The following ADAT1 variants were observed in gnomAD, a reference collection of about 807,000 sequenced individuals.
ADAT1 encodes the protein tRNA-specific adenosine deaminase 1.
In ADAT1, 58 loss-of-function variants were observed where a neutral mutation model predicts 58.6. That is an observed-to-expected ratio of 0.99 (90% confidence interval 0.80 to 1.23). ADAT1 has a LOEUF of 1.23. Among genes scored for constraint, ADAT1 ranks in the 50% most tolerant of loss-of-function variants. The pLI is 0.00. For missense variants in ADAT1, 741 were observed against 608.6 expected, an observed-to-expected ratio of 1.22 and a Z score of -2.29; for synonymous variants, 254 against 220.8, an observed-to-expected ratio of 1.15 and a Z score of -1.33.
intron 6 of ADAT1, among the ~76,000 whole-genome samples, chr16:75,610,009 T>G (rs1376707919): frequency 6.6e-6 from 1 of 152,204 alleles, no homozygotes; most frequent in Non-Finnish European, 1.5e-5. Context: ...TAGCCTGTGG[T>G]AACTACTAAG....
chr16:75,609,821 C>T (rs564450364), intron 6 of ADAT1, among the ~76,000 whole-genome samples: 2 of 151,898 alleles, frequency 1.3e-5, no homozygotes, highest in South Asian at 2.1e-4. Context: ...CTCCCACCTC[C>T]ACCTCCCAAG....
At chr16:75,620,609 T>C (rs2081901125) in intron 2 of ADAT1, 22 bp downstream of exon 2, 1 of 1,610,970 alleles carries the variant, frequency 6.2e-7, no homozygotes, top group Non-Finnish European at 8.5e-7. Flanking sequence ...GTGAGGAGCA[T>C]GCCAAGAAGA....
At chr16:75,611,610 G>A (rs976863573) in intron 6 of ADAT1, among the ~76,000 whole-genome samples, 1 of 151,902 alleles carries the variant, frequency 6.6e-6, no homozygotes, top group Admixed American at 6.6e-5. Context: ...TAGAACTTCT[G>A]TGCTCAAGCA....
Position 75,597,432 on chromosome 16 carries a change from C to A in ADAT1, c.*2784G>T. The A allele has an allele frequency of 2.2e-6, 1 of 445,002 alleles. No individual in the cohort carries two copies. Among genetic ancestry groups the A allele is most frequent in the Non-Finnish European group, 4.5e-6 (1 of 221,272 alleles). The allele number at this position is 445,002 out of a possible 1,614,324, so 27.6% of individuals were successfully genotyped here. ...AAGAGTCTTCTTCAGAGCAGCAGTC[C>A]CCAAGGCACGAAAAAGTCTTCCTTA... On this transcript the variant is annotated 3_prime_UTR_variant, in exon 10 of 10. Coordinates refer to ENST00000564657, the MANE Select transcript of ADAT1 (RefSeq NM_001324445.2).
intron 1 of ADAT1, among the ~76,000 whole-genome samples, chr16:75,621,688 T>C (rs897695147): frequency 2.6e-5 from 4 of 151,806 alleles, no homozygotes; most frequent in African/African-American, 4.8e-5. Flanking sequence ...TACCTGGTGG[T>C]GGGGGTGAAA....
chr16:75,607,051 C>T (rs916823828), intron 8 of ADAT1, among the ~76,000 whole-genome samples: 1 of 152,010 alleles, frequency 6.6e-6, no homozygotes, highest in Non-Finnish European at 1.5e-5. Context: ...CATAGTGAAA[C>T]CCCGTCTCTA....
intron 5 of ADAT1, among the ~76,000 whole-genome samples, chr16:75,614,812 T>C (rs952267305): frequency 2.0e-5 from 3 of 152,244 alleles, no homozygotes; most frequent in Non-Finnish European, 2.9e-5. Context: ...TCTCTCTCTC[T>C]GCAGACAAAC....
intron 5 of ADAT1, among the ~76,000 whole-genome samples, chr16:75,613,371 T>C (rs1043133554): frequency 6.6e-6 from 1 of 152,166 alleles, no homozygotes; most frequent in African/African-American, 2.4e-5. Context: ...GGGTGATCTC[T>C]GCTCACTGCA....
chr16:75,604,456 A>AAAAAAATATATAT (rs1555508674), intron 8 of ADAT1, among the ~76,000 whole-genome samples: 1 of 48,784 alleles, frequency 2.0e-5, no homozygotes, highest in Non-Finnish European at 3.0e-5. Flanking sequence ...AAAAAAAAAA[A>AAAAAAATATATAT]ATATATATAT....
intron 6 of ADAT1, 48 bp downstream of exon 6, chr16:75,612,195 C>T (rs773275992): frequency 1.3e-6 from 2 of 1,584,822 alleles, no homozygotes; most frequent in South Asian, 1.2e-5. Context: ...TACCCTCAGA[C>T]TGCCTCTTGG....
intron 4 of ADAT1, 57 bp from the exon 5 acceptor site, chr16:75,617,329 G>C (rs2081766964): frequency 6.3e-7 from 1 of 1,579,924 alleles, no homozygotes; most frequent in Non-Finnish European, 8.6e-7. Context: ...TAAGGGGAAA[G>C]CCTCTGGTTG....
Position 75,612,412 on chromosome 16 carries a change from C to T in ADAT1, c.874G>A (p.Asp292Asn). The change falls in exon 6 of 10, where the codon GAC becomes AAC. Residue 292 changes from aspartate to asparagine, a missense_variant. Asp to Asn is a conservative substitution (Grantham distance 23). Transcript: ENST00000564657. ...CTACAGGACATGGAGCGTGTTCTGT[C>T]TCCACGGCCTGGCTTCACTCGGAGC... is the stretch of plus-strand genomic sequence containing the variant. ...GLLRVKPGRG[D>N]RTRSMSCSDK... The T allele has an allele frequency of 6.2e-7, 1 of 1,614,250 alleles. No homozygotes were observed. Among genetic ancestry groups the T allele is most frequent in the Non-Finnish European group, 8.5e-7 (1 of 1,180,052 alleles).
intron 8 of ADAT1, among the ~76,000 whole-genome samples, chr16:75,605,551 C>T (rs1270472685): frequency 2.6e-5 from 4 of 152,074 alleles, no homozygotes; most frequent in Admixed American, 6.6e-5. Context: ...AAGTTATATG[C>T]AGATTTTTGA....
At position 75,612,848 on chromosome 16, in the gene ADAT1, G is replaced by A. The variant is rs1454933987; in HGVS notation, c.438C>T (p.Ser146=). The A allele has an allele frequency of 1.9e-6, 3 of 1,613,680 alleles. No homozygotes were observed. The highest frequency in any genetic ancestry group is 2.2e-5 in the South Asian group (2 of 91,056). The stretch of plus-strand genomic sequence containing the variant: ...CTTCAAACTCAAGCATCGGAATGAT[G>A]GAGGCATCCCCACCTGCAGAGAATG... ...FSSHTPCGDA[S]IIPMLEFEDQ... The change falls in exon 6 of 10, where the codon TCC becomes TCT. Residue 146 remains serine (S), a synonymous_variant. Transcript: ENST00000564657.
chr16:75,623,176 CAA>C lies in ADAT1; in HGVS notation c.-797_-796del, dbSNP rs1231841341. The C allele has an allele frequency of 1.3e-5, 2 of 152,276 alleles. No individual in the cohort carries two copies. The highest frequency in any genetic ancestry group is 2.9e-5 in the Non-Finnish European group (2 of 68,076). The allele number at this position is 152,276 out of a possible 1,614,324, so 9.4% of individuals were successfully genotyped here. The stretch of plus-strand genomic sequence containing the variant: ...CCTCTTCCCTCAAAAACAGACTCGG[CAA>C]AGTTAGCCCGGATAAACCTGCCCCG... On this transcript the variant is annotated 5_prime_UTR_variant, in exon 1 of 10. Transcript: ENST00000564657.
At position 75,618,529 on chromosome 16, in the gene ADAT1, A is replaced by C. The variant is rs544816032; in HGVS notation, c.293+57T>G. ...CCCCCCAAAAAAAAAAAAAAAAGTAAATTCCGGGACTCCCACCCCAGTCCT... is the reference window on the plus strand; with the variant it reads ...CCCCCCAAAAAAAAAAAAAAAAGTACATTCCGGGACTCCCACCCCAGTCCT... On this transcript the variant is annotated intron_variant, in intron 4 of 9. Coordinates refer to ENST00000564657, the MANE Select transcript of ADAT1 (RefSeq NM_001324445.2). The C allele has an allele frequency of 2.3e-6, 3 of 1,303,128 alleles. No homozygotes were observed. In the South Asian group the frequency reaches 4.3e-5, roughly 19 times the overall value. The allele number at this position is 1,303,128 out of a possible 1,614,324, so 80.7% of individuals were successfully genotyped here.
intron 8 of ADAT1, 124 bp from the exon 9 acceptor site, chr16:75,603,295 T>C: frequency 2.6e-6 from 2 of 767,122 alleles, no homozygotes; most frequent in South Asian, 3.4e-5. Flanking sequence ...CATTTTCACC[T>C]GTACTTGGTG....
chr16:75,600,264 C>A lies in ADAT1; in HGVS notation c.1461G>T (p.Val487=). The A allele has an allele frequency of 1.9e-6, 3 of 1,614,174 alleles. No individual in the cohort carries two copies. The highest frequency in any genetic ancestry group is 3.3e-4 in the Middle Eastern group (2 of 6,062). ...QEAWSTLRKQ[V]FGSWIRNPPD... is the part of the protein sequence containing the mutation. ...GTGGGTTTCTGATCCAGGATCCAAA[C>A]ACCTGCTTCCGGAGTGTGCTCCAGG... Residue 487 remains valine (V), a synonymous_variant, in exon 10 of 10, where the codon GTG becomes GTT. Coordinates refer to ENST00000564657, the MANE Select transcript of ADAT1 (RefSeq NM_001324445.2).
In ADAT1 at chr16:75,599,924, A is replaced by C; in HGVS notation, c.*292T>G. 1 of 1,132,010 alleles carries C rather than the reference A, an allele frequency of 8.8e-7. No homozygotes were observed. Among genetic ancestry groups the C allele is most frequent in the Non-Finnish European group, 1.1e-6 (1 of 921,526 alleles). 70.1% of individuals were successfully genotyped at this position (1,132,010 alleles called of 1,614,324 possible). A position where few individuals can be genotyped will look rare whatever the true frequency, so the allele number is the denominator to read the frequency against. On this transcript the variant is annotated 3_prime_UTR_variant, in exon 10 of 10. Coordinates refer to ENST00000564657, the MANE Select transcript of ADAT1 (RefSeq NM_001324445.2). ...AACCCATAAAACAGAGCTGCTGCAG[A>C]GTACTTTCAAAGCATCATGTTCCAA...
Sources: gnomAD v4.1 joint callset for allele counts (sites outside exome capture counted in the v4.1 genomes callset) on GRCh38, gnomAD v4.1.1 for gene constraint, MANE v1.5 for transcripts, NCBI Gene and HGNC (gene_info 2026-07-23, HGNC 2026-07-21) for gene names.